The following CYP39A1 variants were observed in gnomAD, a reference collection of about 807,000 sequenced individuals.
CYP39A1 encodes the protein cytochrome P450 family 39 subfamily A member 1.
In CYP39A1, 49 loss-of-function variants were observed where a neutral mutation model predicts 58.1. The ratio of observed to expected loss-of-function variants is 0.84; its 90% CI spans 0.67 to 1.07. The LOEUF is 1.07. Among genes scored for constraint, CYP39A1 ranks in the 50% least tolerant of loss-of-function variants. The pLI, the probability that CYP39A1 is intolerant of heterozygous loss-of-function variation, is 0.00. For missense variants in CYP39A1, 531 were observed against 539.4 expected, an observed-to-expected ratio of 0.98 and a Z score of 0.16; for synonymous variants, 209 against 187.6, an observed-to-expected ratio of 1.11 and a Z score of -0.93.
At chr6:46,632,328 A>G (rs954390198) in intron 5 of CYP39A1, among the ~76,000 whole-genome samples, 4 of 152,184 alleles carry the variant, frequency 2.6e-5, no homozygotes, top group African/African-American at 4.8e-5. Context: ...GTTCCTGTAG[A>G]AGTATTATTG....
At chr6:46,637,744 C>T (rs1776076195) in intron 4 of CYP39A1, 85 bp downstream of exon 4, 1 of 1,435,842 alleles carries the variant, frequency 7.0e-7, no homozygotes, top group Non-Finnish European at 9.5e-7. Flanking sequence ...ACTGCTGTTA[C>T]ATCTACTTAG....
chr6:46,641,234 C>A (rs1267637784), intron 2 of CYP39A1, among the ~76,000 whole-genome samples: 1 of 151,994 alleles, frequency 6.6e-6, no homozygotes, highest in East Asian at 1.9e-4. Context: ...CTCTACAGAT[C>A]AAAGGCCTTC....
chr6:46,578,537 T>G (rs928616334), intron 10 of CYP39A1, among the ~76,000 whole-genome samples: 2 of 151,098 alleles, frequency 1.3e-5, no homozygotes, highest in Non-Finnish European at 3.0e-5. Flanking sequence ...GACCACCAGC[T>G]AGATAGATTA....
chr6:46,566,112 A>AATCTTCCTAGG (rs1771258165), intron 10 of CYP39A1, among the ~76,000 whole-genome samples: 1 of 152,154 alleles, frequency 6.6e-6, no homozygotes, highest in African/African-American at 2.4e-5. Flanking sequence ...GGAAGATTAT[A>AATCTTCCTAGG]AGTGGCTGTT....
At chr6:46,631,609 C>T (rs1775665644) in intron 5 of CYP39A1, among the ~76,000 whole-genome samples, 1 of 152,220 alleles carries the variant, frequency 6.6e-6, no homozygotes, top group African/African-American at 2.4e-5. Flanking sequence ...ACACACATCT[C>T]TGGTGCATTC....
chr6:46,553,915 G>T, intron 10 of CYP39A1, 61 bp from the exon 11 acceptor site: 1 of 1,055,308 alleles, frequency 9.5e-7, no homozygotes, highest in South Asian at 1.4e-5. Context: ...TCTGCCAACA[G>T]AGAATATCTA....
chr6:46,616,210 C>T (rs1412496216), intron 7 of CYP39A1, among the ~76,000 whole-genome samples: 1 of 8,892 alleles, frequency 1.1e-4, no homozygotes, highest in African/African-American at 4.5e-4. Context: ...CTCCCTCCCT[C>T]CCTCCCTCCC....
chr6:46,600,869 T>A lies in CYP39A1; in HGVS notation c.932-4749A>T, dbSNP rs573642739. On this transcript the variant is annotated intron_variant, in intron 7 of 11. Transcript: ENST00000275016. ...AGTTCTGTGAGCCCTTACAACAAAT[T>A]ATCGAATCTAGAGAGGTGGTTGTGG... is the stretch of plus-strand genomic sequence containing the variant. 2.0e-5 allele frequency among the ~76,000 whole-genome samples: 3 copies of A among 152,216 alleles called. No homozygotes were observed. The East Asian group carries it at 5.8e-4, about 29-fold the overall frequency.
At chr6:46,581,405 GA>G (rs35718392) in intron 10 of CYP39A1, among the ~76,000 whole-genome samples, 52,487 of 116,978 alleles carry the variant, frequency 0.45, 11,853 homozygotes, top group African/African-American at 0.69. Flanking sequence ...GCCTGTCTCA[GA>G]AAAAAAAAAA....
At chr6:46,583,528 C>T in intron 10 of CYP39A1, 1 of 985,368 alleles carries the variant, frequency 1.0e-6, no homozygotes, top group South Asian at 4.7e-5. Context: ...ACTTTGCAAG[C>T]TACAATTTCT....
In CYP39A1 at chr6:46,563,908, T is replaced by A. The variant is rs1771112390; in HGVS notation, c.1251-10054A>T. ...GCCCGGAGTTCTAGGCTAATGAGTT[T>A]GGTCAGCAGGTAGTGGCACCAGAAT... On this transcript the variant is annotated intron_variant, in intron 10 of 11. Coordinates refer to ENST00000275016, the MANE Select transcript of CYP39A1 (RefSeq NM_016593.5). Among the ~76,000 whole-genome samples, 3 of 151,954 alleles carry A rather than the reference T, an allele frequency of 2.0e-5. No individual in the cohort carries two copies. The South Asian group carries it at 6.2e-4, about 32-fold the overall frequency.
Position 46,611,972 on chromosome 6 carries a change from G to A in CYP39A1, c.931+13446C>T, listed in dbSNP as rs963825939. On this transcript the variant is annotated intron_variant, in intron 7 of 11. Coordinates refer to ENST00000275016, the MANE Select transcript of CYP39A1 (RefSeq NM_016593.5). ...AACAGAATGCTCTGAAGAAAGAATT[G>A]TGTCTAAATGAAAAAATGTAGAGAA... Among the ~76,000 whole-genome samples, 6 of 152,166 alleles carry A rather than the reference G, an allele frequency of 3.9e-5. No homozygotes were observed. The East Asian group carries it at 1.2e-3, about 29-fold the overall frequency.
intron 8 of CYP39A1, among the ~76,000 whole-genome samples, chr6:46,590,211 C>G (rs949915111): frequency 2.0e-5 from 3 of 152,132 alleles, no homozygotes; most frequent in Admixed American, 2.0e-4. Context: ...AGATCACTAG[C>G]AAAGGGAAGC....
chr6:46,578,185 A>G (rs1771941540), intron 10 of CYP39A1, among the ~76,000 whole-genome samples: 1 of 152,170 alleles, frequency 6.6e-6, no homozygotes, highest in South Asian at 2.1e-4. Flanking sequence ...ACTTTAAAGA[A>G]TGAAATTAAG....
intron 10 of CYP39A1, among the ~76,000 whole-genome samples, chr6:46,584,653 A>G (rs1408915527): frequency 6.6e-6 from 1 of 152,104 alleles, no homozygotes; most frequent in African/African-American, 2.4e-5. Context: ...GGGCCTTTTC[A>G]ATTGGGCCAG....
chr6:46,564,771 T>A (rs1208086986), intron 10 of CYP39A1, among the ~76,000 whole-genome samples: 1 of 152,188 alleles, frequency 6.6e-6, no homozygotes, highest in Admixed American at 6.5e-5. Context: ...TGGAAAGCTA[T>A]CACTGTTGCC....
chr6:46,601,837 T>C (rs1009988621), intron 7 of CYP39A1, among the ~76,000 whole-genome samples: 2 of 152,002 alleles, frequency 1.3e-5, no homozygotes. Context: ...TACTTATTAT[T>C]ATTATTTCCT....
At chr6:46,621,423 T>C (rs1235798212) in intron 7 of CYP39A1, among the ~76,000 whole-genome samples, 3 of 152,116 alleles carry the variant, frequency 2.0e-5, no homozygotes, top group Non-Finnish European at 2.9e-5. Context: ...GACAAATATG[T>C]AGCTACAATG....
intron 10 of CYP39A1, among the ~76,000 whole-genome samples, chr6:46,567,517 T>A (rs1019828553): frequency 6.6e-6 from 1 of 152,050 alleles, no homozygotes; most frequent in Non-Finnish European, 1.5e-5. Flanking sequence ...ATATGGCAAT[T>A]TTTTTTAAAT....
Sources: allele counts gnomAD v4.1 joint callset (sites outside exome capture counted in the v4.1 genomes callset), GRCh38; gene constraint gnomAD v4.1.1; transcripts MANE v1.5; gene names NCBI Gene and HGNC (gene_info 2026-07-23, HGNC 2026-07-21).